Variants in RIMBP2 observed in about 807,000 individuals in gnomAD.
The protein encoded by RIMBP2 is RIMS binding protein 2.
Under a neutral mutation model 118.6 loss-of-function variants are expected in RIMBP2, and 48 were observed. The observed-to-expected ratio is 0.40, with a 90% CI of 0.32 to 0.51. The LOEUF (loss-of-function observed/expected upper bound fraction) is 0.51, where lower values mean the gene tolerates loss of function less well. RIMBP2 is among the 20% of genes least tolerant of loss of function. The pLI is 0.41. For missense variants in RIMBP2, 1,551 were observed against 1,768.3 expected (o/e 0.88, Z 2.20); for synonymous variants, 762 against 742.9 (o/e 1.03, Z -0.42).
intron 21 of RIMBP2, among the ~76,000 whole-genome samples, chr12:130,404,336 C>T (rs981967882): frequency 1.3e-5 from 2 of 152,202 alleles, no homozygotes; most frequent in African/African-American, 4.8e-5. Context: ...GTTTCACTGT[C>T]ACCCAGGCTG....
chr12:130,400,412 T>G (rs1259468689), intron 21 of RIMBP2, among the ~76,000 whole-genome samples: 2 of 152,202 alleles, frequency 1.3e-5, no homozygotes, highest in Non-Finnish European at 2.9e-5. Context: ...TATATATCCT[T>G]CCAGATCTTT....
In RIMBP2 at chr12:130,442,442, C is replaced by A; in HGVS notation, c.910G>T (p.Val304Leu). The A allele has an allele frequency of 6.2e-7, 1 of 1,614,178 alleles. No homozygotes were observed. The highest frequency in any genetic ancestry group is 1.7e-5 in the Admixed American group (1 of 60,024). Residue 304 changes from valine (V) to leucine (L), a missense_variant, in exon 11 of 23, where the codon GTG becomes TTG. Around this residue, in one of 5 missense-constraint regions of RIMBP2, gnomAD observed 265 missense variants for 349.5 expected, o/e 0.76. Coordinates refer to ENST00000690449, the MANE Select transcript of RIMBP2 (RefSeq NM_001393629.1). The surrounding 1 kb of genome is among the most constrained non-coding windows in gnomAD (Gnocchi z 6.9). ...ITDNSAGTLD[V>L]NIDDIGEDIV... The stretch of plus-strand genomic sequence containing the variant: ...TCTTCTCCGATGTCGTCGATGTTCA[C>A]GTCCAGGGTCCCGGCACTGTTGTCG...
rs561539842 is a variant in RIMBP2, at chr12:130,622,119, G to A, written c.-217+6203C>T. 3.3e-5 allele frequency among the ~76,000 whole-genome samples: 5 copies of A among 152,314 alleles called. No homozygotes were observed. The highest frequency in any genetic ancestry group is 3.9e-4 in the East Asian group (2 of 5,180). Reference sequence around the variant, plus strand: ...GACATTTCCGCACAAATAAAATTAGGCCGAGACAGTTAGTCTTGGGGTCCT... The same window carrying A: ...GACATTTCCGCACAAATAAAATTAGACCGAGACAGTTAGTCTTGGGGTCCT... On this transcript the variant is annotated intron_variant, in intron 2 of 22. Transcript: ENST00000690449. This position sits in a 1 kb window ranked among gnomAD's most constrained non-coding sequence, Gnocchi z 8.5.
At chr12:130,477,783 T>C (rs2081566364) in intron 5 of RIMBP2, among the ~76,000 whole-genome samples, 1 of 152,168 alleles carries the variant, frequency 6.6e-6, no homozygotes. Flanking sequence ...TATTTTGAGA[T>C]CCAAGACCTG....
At chr12:130,658,896 G>C (rs564381709) in intron 1 of RIMBP2, 18 of 152,328 alleles carry the variant, frequency 1.2e-4, no homozygotes, top group African/African-American at 4.1e-4. Flanking sequence ...TGAAACTCTC[G>C]GCTCTAAACC....
At chr12:130,699,781 C>CT (rs1231869902) in intron 1 of RIMBP2, among the ~76,000 whole-genome samples, 1 of 151,374 alleles carries the variant, frequency 6.6e-6, no homozygotes, top group Admixed American at 6.6e-5. Flanking sequence ...TGGCAGGTGC[C>CT]TGTAATCCCA....
In RIMBP2 at chr12:130,414,319, G is replaced by A. The variant is rs768011635; in HGVS notation, c.3239-13C>T. On this transcript the variant is annotated splice_polypyrimidine_tract_variant and intron_variant, in intron 17 of 22. Coordinates refer to ENST00000690449, the MANE Select transcript of RIMBP2 (RefSeq NM_001393629.1). ...CGCCCGTAATCGTCTGCGAGCAAGTGGGGGTGAAGAACAGAGCGGCAGTGA... is the reference window on the plus strand; with the variant it reads ...CGCCCGTAATCGTCTGCGAGCAAGTAGGGGTGAAGAACAGAGCGGCAGTGA... The A allele has an allele frequency of 1.1e-5, 18 of 1,569,448 alleles. No individual in the cohort carries two copies. Among genetic ancestry groups the A allele is most frequent in the Middle Eastern group, 1.7e-4 (1 of 5,822 alleles).
At chr12:130,509,905 T>A (rs1222825500) in intron 3 of RIMBP2, among the ~76,000 whole-genome samples, 1 of 152,230 alleles carries the variant, frequency 6.6e-6, no homozygotes, top group African/African-American at 2.4e-5. Context: ...GCTCCCTACA[T>A]AAGGAGTTTC....
In RIMBP2 at chr12:130,537,920, C is replaced by T. The variant is rs180889105; in HGVS notation, c.-216-20003G>A. On this transcript the variant is annotated intron_variant, in intron 2 of 22. Coordinates refer to ENST00000690449, the MANE Select transcript of RIMBP2 (RefSeq NM_001393629.1). Reference sequence around the variant, plus strand: ...GGGTGAAATGACTGCTAATTATAAGCACACTTGCTCTTGCTGTCTCCCTCC... The same window carrying T: ...GGGTGAAATGACTGCTAATTATAAGTACACTTGCTCTTGCTGTCTCCCTCC... Among the ~76,000 whole-genome samples the T allele has an allele frequency of 6.6e-5, 10 of 152,302 alleles. No homozygotes were observed. In the East Asian group the frequency reaches 1.7e-3, roughly 26 times the overall value.
intron 3 of RIMBP2, among the ~76,000 whole-genome samples, chr12:130,516,183 C>G (rs56199035): frequency 0.074 from 11,261 of 152,270 alleles, 453 homozygotes; most frequent in South Asian, 0.15. Context: ...AAAAACATAC[C>G]TTTAAAAAAT....
intron 2 of RIMBP2, among the ~76,000 whole-genome samples, chr12:130,551,696 A>G (rs2055803357): frequency 6.6e-6 from 1 of 152,130 alleles, no homozygotes; most frequent in Admixed American, 6.5e-5. Context: ...AGATAGAGCA[A>G]GGTGAGATAG....
chr12:130,566,266 T>C (rs1371274871), intron 2 of RIMBP2, among the ~76,000 whole-genome samples: 1 of 152,080 alleles, frequency 6.6e-6, no homozygotes, highest in Non-Finnish European at 1.5e-5. Context: ...CCACTTCCTG[T>C]AAGGCAATAA....
intron 4 of RIMBP2, among the ~76,000 whole-genome samples, chr12:130,487,221 C>T (rs2082566417): frequency 6.6e-6 from 1 of 152,198 alleles, no homozygotes; most frequent in African/African-American, 2.4e-5. Flanking sequence ...CGTGGCCAGC[C>T]CTTCACGGCG....
intron 1 of RIMBP2, among the ~76,000 whole-genome samples, chr12:130,637,408 T>C (rs1451624834): frequency 6.6e-6 from 1 of 152,250 alleles, no homozygotes; most frequent in Non-Finnish European, 1.5e-5. Context: ...AATGAATGGA[T>C]GCGTGCCTGA....
intron 21 of RIMBP2, among the ~76,000 whole-genome samples, chr12:130,404,604 A>G (rs1344039541): frequency 6.6e-6 from 1 of 152,234 alleles, no homozygotes; most frequent in South Asian, 2.1e-4. Context: ...AGTTCCTAAG[A>G]GTAAACTTAA....
Position 130,424,347 on chromosome 12 carries a change from C to A in RIMBP2, c.2924G>T (p.Gly975Val). 3 of 1,232,380 alleles carry A rather than the reference C, an allele frequency of 2.4e-6. No homozygotes were observed. Among genetic ancestry groups the A allele is most frequent in the Non-Finnish European group, 2.0e-6 (2 of 988,076 alleles). 76.3% of individuals were successfully genotyped at this position (1,232,380 alleles called of 1,614,324 possible). Residue 975 changes from glycine to valine, a missense_variant, in exon 16 of 23, where the codon GGG (glycine) becomes GTG (valine). Gly to Val is a moderately radical substitution (Grantham distance 109, BLOSUM62 -3). Transcript: ENST00000690449. This position sits in a 1 kb window ranked among gnomAD's most constrained non-coding sequence, Gnocchi z 9.8. ...TRQSSVEEDF[G>V]EQVGPGGLLR... ...GAGGCCACCAGGGCCCACCTGCTCC[C>A]CAAAGTCCTCCTCCACGCTGCTCTG...
chr12:130,521,376 C>T (rs1004901338), intron 2 of RIMBP2, among the ~76,000 whole-genome samples: 5 of 152,166 alleles, frequency 3.3e-5, no homozygotes, highest in South Asian at 2.1e-4. Flanking sequence ...CCCCAGCAGC[C>T]GGCACCAGTG....
At chr12:130,632,971 C>G (rs537013548) in intron 1 of RIMBP2, among the ~76,000 whole-genome samples, 2 of 152,164 alleles carry the variant, frequency 1.3e-5, no homozygotes, top group African/African-American at 4.8e-5. Context: ...ATCTTCCTCA[C>G]GGAGCACAGG....
intron 6 of RIMBP2, chr12:130,465,540 C>G (rs1368118684): frequency 6.6e-6 from 1 of 152,284 alleles, no homozygotes; most frequent in African/African-American, 2.4e-5. Context: ...TGTTACCAGG[C>G]TGACTTCCTG....
Sources: allele counts gnomAD v4.1 joint callset (sites outside exome capture counted in the v4.1 genomes callset), GRCh38; gene constraint gnomAD v4.1.1; regional missense constraint gnomAD v4.1.1; non-coding constraint Gnocchi (gnomAD v3.1); transcripts MANE v1.5; gene names NCBI Gene and HGNC (gene_info 2026-07-23, HGNC 2026-07-21).